The following DGKH variants were observed in gnomAD, a reference collection of about 807,000 sequenced individuals.
DGKH encodes the protein diacylglycerol kinase eta, also known as DAG kinase eta.
DGKH carries 90 observed loss-of-function variants against 159.3 expected under a neutral mutation model. The observed-to-expected ratio is 0.57, with a 90% CI of 0.48 to 0.67. The LOEUF (loss-of-function observed/expected upper bound fraction) is 0.67, where lower values mean the gene tolerates loss of function less well. Among genes scored for constraint, DGKH ranks in the 30% least tolerant of loss-of-function variants. The pLI is 0.00. For synonymous variants in DGKH, 536 were observed against 553.8 expected, an observed-to-expected ratio of 0.97 and a Z score of 0.45; for missense variants, 1,181 against 1,506.1, an observed-to-expected ratio of 0.78 and a Z score of 3.57.
chr13:42,055,335 C>A (rs1258202681), intron 1 of DGKH, among the ~76,000 whole-genome samples: 1 of 152,152 alleles, frequency 6.6e-6, no homozygotes, highest in Non-Finnish European at 1.5e-5. Flanking sequence ...TCTTTGCTTC[C>A]ATTTTAATGT....
chr13:42,059,263 T>C (rs958691290), intron 1 of DGKH, among the ~76,000 whole-genome samples: 1 of 152,090 alleles, frequency 6.6e-6, no homozygotes, highest in Non-Finnish European at 1.5e-5. Context: ...TTTCTTTTTT[T>C]TTTTAAGACG....
At chr13:42,210,387 C>G (rs1957620494) in intron 23 of DGKH, among the ~76,000 whole-genome samples, 1 of 152,068 alleles carries the variant, frequency 6.6e-6, no homozygotes, top group Admixed American at 6.6e-5. Flanking sequence ...ACCTAAATCT[C>G]TTTTTTAACT....
At chr13:42,157,687 T>G (rs1956077720) in intron 5 of DGKH, among the ~76,000 whole-genome samples, 1 of 152,172 alleles carries the variant, frequency 6.6e-6, no homozygotes, top group Non-Finnish European at 1.5e-5. Flanking sequence ...AGGGAAAGAA[T>G]TTTTCAAAGT....
At chr13:42,197,406 A>G (rs1957229301) in intron 17 of DGKH, among the ~76,000 whole-genome samples, 1 of 152,084 alleles carries the variant, frequency 6.6e-6, no homozygotes, top group Non-Finnish European at 1.5e-5. Flanking sequence ...ATTGGCATAA[A>G]GAAGTATGCC....
At chr13:42,179,672 C>T (rs56855997) in intron 13 of DGKH, among the ~76,000 whole-genome samples, 1,893 of 151,164 alleles carry the variant, frequency 0.013, 41 homozygotes, top group African/African-American at 0.042. Context: ...CCCAGCTTCT[C>T]AGGAGGCTGA....
At position 42,238,734 on chromosome 13, in the gene DGKH, G is replaced by T. The variant is rs966860880; in HGVS notation, c.*9546G>T. 2.6e-5 allele frequency: 4 copies of T among 152,064 alleles called. No individual in the cohort carries two copies. Among genetic ancestry groups the T allele is most frequent in the Admixed American group, 2.0e-4 (3 of 15,268 alleles). The allele number at this position is 152,064 out of a possible 1,614,324, so 9.4% of individuals were successfully genotyped here. A position where few individuals can be genotyped will look rare whatever the true frequency, so the allele number is the denominator to read the frequency against. The stretch of plus-strand genomic sequence containing the variant: ...TAGAGATTGTCTTTATTAATTAATG[G>T]AACTCTGGGTATGATTAAGGGAATT... On this transcript the variant is annotated 3_prime_UTR_variant, in exon 30 of 30. Transcript: ENST00000337343.
intron 1 of DGKH, among the ~76,000 whole-genome samples, chr13:42,052,743 T>C (rs183426316): frequency 1.2e-4 from 18 of 152,346 alleles, no homozygotes; most frequent in African/African-American, 4.1e-4. Flanking sequence ...TTTCATTTTA[T>C]GGGAATGGCT....
chr13:42,194,605 T>C (rs1358042096), intron 16 of DGKH, among the ~76,000 whole-genome samples: 1 of 152,252 alleles, frequency 6.6e-6, no homozygotes. Flanking sequence ...GCTTCATTTA[T>C]CTTTAAGTGT....
At chr13:42,040,832 C>G (rs1593936127) in intron 1 of DGKH, among the ~76,000 whole-genome samples, 1 of 146,522 alleles carries the variant, frequency 6.8e-6, no homozygotes, top group South Asian at 2.1e-4. Context: ...GCGGCGGCGG[C>G]GGGGACCCGG....
Position 42,108,062 on chromosome 13 carries a change from G to A in DGKH, c.193-19401G>A, listed in dbSNP as rs181478458. Among the ~76,000 whole-genome samples, 38 of 152,080 alleles carry A rather than the reference G, an allele frequency of 2.5e-4. No individual in the cohort carries two copies. The East Asian group carries it at 4.4e-3, about 18-fold the overall frequency. On this transcript the variant is annotated intron_variant, in intron 1 of 29. Transcript: ENST00000337343. ...AAAAGAAGAGTCATTTTTCACACTC[G>A]GGCCAAACTTCAAGAGGAATCAAAT...
chr13:42,187,154 A>G lies in DGKH; in HGVS notation c.1638+6A>G, dbSNP rs1324641776. The stretch of plus-strand genomic sequence containing the variant: ...CTGATGCCGTGGCCAGTAAAGTAAG[A>G]GGGGACTCTTCAGGGCATGAGAGTT... On this transcript the variant is annotated splice_donor_region_variant and intron_variant, in intron 14 of 29. Coordinates refer to ENST00000337343, the MANE Select transcript of DGKH (RefSeq NM_178009.5). 6.8e-6 allele frequency: 11 copies of G among 1,612,154 alleles called. No individual in the cohort carries two copies. Among genetic ancestry groups the G allele is most frequent in the Non-Finnish European group, 8.5e-6 (10 of 1,178,242 alleles).
At chr13:42,248,633 T>C (rs1402383555) in intron 29 of DGKH, among the ~76,000 whole-genome samples, 2 of 147,892 alleles carry the variant, frequency 1.4e-5, no homozygotes, top group Non-Finnish European at 3.0e-5. Flanking sequence ...ATATTATTTG[T>C]AATATATAAT....
In DGKH at chr13:42,219,173, C is replaced by T. The variant is rs990213032; in HGVS notation, c.3214-57C>T. Reference sequence around the variant, plus strand: ...TGTCAAAGTACAATGATTTATTCTACGTGAGGCTGGCCACTGAGTCTTGTT... The same window carrying T: ...TGTCAAAGTACAATGATTTATTCTATGTGAGGCTGGCCACTGAGTCTTGTT... On this transcript the variant is annotated intron_variant, in intron 26 of 29. Transcript: ENST00000337343. 4.4e-5 allele frequency: 71 copies of T among 1,603,652 alleles called. No homozygotes were observed. The East Asian group carries it at 1.2e-3, about 27-fold the overall frequency.
At chr13:42,103,598 C>G (rs527741662) in intron 1 of DGKH, among the ~76,000 whole-genome samples, 4 of 152,300 alleles carry the variant, frequency 2.6e-5, no homozygotes, top group African/African-American at 9.6e-5. Context: ...AGGGTTCTCT[C>G]TTGCTGTGCA....
At position 42,119,698 on chromosome 13, in the gene DGKH, A is replaced by G. The variant is rs544929435; in HGVS notation, c.193-7765A>G. On this transcript the variant is annotated intron_variant, in intron 1 of 29. Transcript: ENST00000337343. ...GTAAAAATTTTATAACAAAAATTTT[A>G]TAACAGAATTTACTATCTTAATCAT... Among the ~76,000 whole-genome samples, 13 of 152,344 alleles carry G rather than the reference A, an allele frequency of 8.5e-5. 1 individual carries two copies. The highest frequency in any genetic ancestry group is 2.9e-4 in the African/African-American group (12 of 41,590).
intron 1 of DGKH, among the ~76,000 whole-genome samples, chr13:42,063,279 A>G (rs1483171478): frequency 6.6e-6 from 1 of 152,110 alleles, no homozygotes; most frequent in Non-Finnish European, 1.5e-5. Flanking sequence ...GACACACCTG[A>G]CACATTCCAG....
chr13:42,191,205 A>G (rs1957054738), intron 16 of DGKH, among the ~76,000 whole-genome samples: 1 of 152,200 alleles, frequency 6.6e-6, no homozygotes, highest in African/African-American at 2.4e-5. Context: ...AACGTACTGG[A>G]ATAAAACAAA....
chr13:42,218,820 T>G (rs1957881526), intron 26 of DGKH, among the ~76,000 whole-genome samples: 1 of 152,136 alleles, frequency 6.6e-6, no homozygotes, highest in South Asian at 2.1e-4. Flanking sequence ...GGTGACCTAT[T>G]TAAATCAGAA....
At chr13:42,120,362 T>G (rs1350463998) in intron 1 of DGKH, among the ~76,000 whole-genome samples, 10 of 152,354 alleles carry the variant, frequency 6.6e-5, no homozygotes, top group African/African-American at 2.4e-4. Flanking sequence ...AGAACAACTA[T>G]GTAGTATATC....
Sources: gnomAD v4.1 joint callset for allele counts (sites outside exome capture counted in the v4.1 genomes callset) on GRCh38, gnomAD v4.1.1 for gene constraint, MANE v1.5 for transcripts, NCBI Gene and HGNC (gene_info 2026-07-23, HGNC 2026-07-21) for gene names.